COL19A1: variants seen among roughly 807,000 people sequenced by gnomAD.
COL19A1 encodes collagen alpha-1(XIX) chain.
COL19A1 carries 159 observed loss-of-function variants against 190.2 expected under a neutral mutation model. That is an observed-to-expected ratio of 0.84 (90% CI 0.73 to 0.95). COL19A1 has a LOEUF of 0.95. Among genes scored for constraint, COL19A1 ranks in the 40% least tolerant of loss-of-function variants. COL19A1 has a pLI of 0.00. For missense variants in COL19A1, 1,418 were observed against 1,431.9 expected (o/e 0.99, Z 0.16); for synonymous variants, 509 against 458.9 (o/e 1.11, Z -1.39).
chr6:70,048,711 A>T (rs1780034394), intron 14 of COL19A1, among the ~76,000 whole-genome samples: 1 of 152,174 alleles, frequency 6.6e-6, no homozygotes, highest in South Asian at 2.1e-4. Context: ...TGTTAAAATC[A>T]GTTAATTGGA....
At position 69,875,725 on chromosome 6, in the gene COL19A1, G is replaced by A. The variant is rs149068216; in HGVS notation, c.-32-3811G>A. On this transcript the variant is annotated intron_variant, in intron 1 of 50. Coordinates refer to ENST00000620364, the MANE Select transcript of COL19A1 (RefSeq NM_001858.6). ...AAGAGCATGAGAAGAACAATTTGTG[G>A]TTGGAAATCAGGAATTTATCTGGAT... Among the ~76,000 whole-genome samples, 825 of 152,240 alleles carry A rather than the reference G, an allele frequency of 5.4e-3. 7 individuals carry two copies. Among genetic ancestry groups the A allele is most frequent in the African/African-American group, 0.019 (782 of 41,552 alleles).
At chr6:70,048,689 T>G (rs1450393506) in intron 14 of COL19A1, among the ~76,000 whole-genome samples, 1 of 151,772 alleles carries the variant, frequency 6.6e-6, no homozygotes, top group Non-Finnish European at 1.5e-5. Flanking sequence ...TTAAAGTTAT[T>G]TACTTTTGGT....
At chr6:69,867,196 G>A (rs1452794478) in intron 1 of COL19A1, among the ~76,000 whole-genome samples, 1 of 151,958 alleles carries the variant, frequency 6.6e-6, no homozygotes, top group African/African-American at 2.4e-5. Flanking sequence ...CCTCCGGCCC[G>A]GGGTTACCTA....
chr6:70,008,168 G>A (rs1301727500), intron 11 of COL19A1, among the ~76,000 whole-genome samples: 1 of 151,524 alleles, frequency 6.6e-6, no homozygotes, highest in African/African-American at 2.4e-5. Context: ...TAGAAGGCAG[G>A]AACAATAAAA....
intron 1 of COL19A1, among the ~76,000 whole-genome samples, chr6:69,869,391 G>A (rs898216634): frequency 1.3e-5 from 2 of 152,148 alleles, no homozygotes; most frequent in Admixed American, 6.5e-5. Context: ...TATTAAATTC[G>A]ATAGAAATAT....
chr6:70,164,765 G>A (rs1363311370), intron 36 of COL19A1, among the ~76,000 whole-genome samples: 1 of 152,120 alleles, frequency 6.6e-6, no homozygotes, highest in Non-Finnish European at 1.5e-5. Context: ...ATAATTCTTT[G>A]AAGGACACTG....
intron 34 of COL19A1, 128 bp downstream of exon 34, chr6:70,156,851 A>G (rs1418340269): frequency 3.5e-6 from 2 of 569,042 alleles, no homozygotes; most frequent in African/African-American, 3.8e-5. Context: ...AAGACCACTT[A>G]GAGCTTTTAA....
intron 48 of COL19A1, among the ~76,000 whole-genome samples, chr6:70,191,170 C>A (rs955622085): frequency 2.0e-5 from 3 of 152,144 alleles, no homozygotes; most frequent in African/African-American, 7.2e-5. Context: ...ATAATTCATC[C>A]TAAGATGTAT....
rs1479279624 is a variant in COL19A1, at chr6:70,210,785, T to C, written c.*3511T>C. ...TCAGACTCTTGCCTTTGCACTTTTT[T>C]TTAACTTTTGTAGATAATTTTTGTT... is the stretch of plus-strand genomic sequence containing the variant. On this transcript the variant is annotated 3_prime_UTR_variant, in exon 51 of 51. Transcript: ENST00000620364. Among the ~76,000 whole-genome samples, 12 of 152,272 alleles carry C rather than the reference T, an allele frequency of 7.9e-5. No individual in the cohort carries two copies. In the South Asian group the frequency reaches 1.9e-3, roughly 24 times the overall value.
chr6:70,033,005 T>C (rs950013471), intron 12 of COL19A1, among the ~76,000 whole-genome samples: 1 of 152,148 alleles, frequency 6.6e-6, no homozygotes, highest in African/African-American at 2.4e-5. Context: ...ATCTCAAATA[T>C]CATTTAATTT....
intron 14 of COL19A1, among the ~76,000 whole-genome samples, chr6:70,054,556 A>G (rs1189950574): frequency 2.0e-5 from 3 of 152,190 alleles, no homozygotes; most frequent in African/African-American, 7.2e-5. Context: ...ATCTGTATGT[A>G]ATAAGTAAAC....
intron 49 of COL19A1, among the ~76,000 whole-genome samples, chr6:70,203,638 G>C (rs569623278): frequency 1.4e-5 from 2 of 147,486 alleles, no homozygotes; most frequent in South Asian, 4.2e-4. Context: ...GCCTTTTTCC[G>C]GTATGTATAC....
chr6:70,074,372 G>A (rs924752737), intron 15 of COL19A1, among the ~76,000 whole-genome samples: 1 of 151,630 alleles, frequency 6.6e-6, no homozygotes, highest in Non-Finnish European at 1.5e-5. Flanking sequence ...GGTGGTGGGT[G>A]CCAGTAATCT....
At chr6:70,098,291 T>G (rs1582904841) in intron 15 of COL19A1, 2 of 362,548 alleles carry the variant, frequency 5.5e-6, no homozygotes, top group South Asian at 5.0e-5. Flanking sequence ...CCCCAAAGTA[T>G]CCTAGCTTAA....
intron 15 of COL19A1, among the ~76,000 whole-genome samples, chr6:70,068,927 C>T (rs993063825): frequency 6.6e-6 from 1 of 151,996 alleles, no homozygotes; most frequent in Non-Finnish European, 1.5e-5. Context: ...AAATAGTAAG[C>T]AAATAAATCA....
chr6:69,897,905 T>G lies in COL19A1; in HGVS notation c.92-1043T>G, dbSNP rs557913444. On this transcript the variant is annotated intron_variant, in intron 2 of 50. Transcript: ENST00000620364. ...ATTTGCTTCTTATTTTTAAATTTGA[T>G]TAAGTGGTAGCATTATTTAGAATCT... 2.0e-5 allele frequency among the ~76,000 whole-genome samples: 3 copies of G among 152,260 alleles called. No individual in the cohort carries two copies. The East Asian group carries it at 5.8e-4, about 29-fold the overall frequency.
chr6:69,962,886 T>C lies in COL19A1; in HGVS notation c.1026+16T>C. ...TGGTGAAAAGGTAAATATCTCTTTT[T>C]ACATTCACATCTGTAAAAAGAAATT... On this transcript the variant is annotated intron_variant, in intron 11 of 50. Transcript: ENST00000620364. The C allele has an allele frequency of 1.3e-6, 2 of 1,591,264 alleles. No individual in the cohort carries two copies. The highest frequency in any genetic ancestry group is 1.7e-6 in the Non-Finnish European group (2 of 1,163,756).
intron 12 of COL19A1, among the ~76,000 whole-genome samples, chr6:70,033,212 T>C (rs1476236003): frequency 6.6e-6 from 1 of 152,178 alleles, no homozygotes; most frequent in Non-Finnish European, 1.5e-5. Flanking sequence ...TTATTTTAAG[T>C]ATCTAATTTT....
intron 9 of COL19A1, among the ~76,000 whole-genome samples, chr6:69,959,101 G>A (rs1381915984): frequency 6.6e-6 from 1 of 152,108 alleles, no homozygotes; most frequent in Admixed American, 6.6e-5. Context: ...TTGAGAATAT[G>A]CACATCCTCT....
Sources: allele counts gnomAD v4.1 joint callset (sites outside exome capture counted in the v4.1 genomes callset), GRCh38; gene constraint gnomAD v4.1.1; transcripts MANE v1.5; gene names NCBI Gene and HGNC (gene_info 2026-07-23, HGNC 2026-07-21).